Variants in ACSM3 observed in about 807,000 individuals in gnomAD.
ACSM3 encodes the protein acyl-coenzyme A synthetase ACSM3, mitochondrial.
Under a neutral mutation model 74.1 loss-of-function variants are expected in ACSM3, and 61 were observed. The observed-to-expected ratio is 0.82, with a 90% CI of 0.67 to 1.02. The LOEUF (loss-of-function observed/expected upper bound fraction) is 1.02. Among genes scored for constraint, ACSM3 ranks in the 50% least tolerant of loss-of-function variants. ACSM3 has a pLI of 0.00. For missense variants in ACSM3, 660 were observed against 697.0 expected, an observed-to-expected ratio of 0.95 and a Z score of 0.60; for synonymous variants, 213 against 241.5, an observed-to-expected ratio of 0.88 and a Z score of 1.09.
chr16:20,761,605 A>G (rs1267660507), upstream of ACSM3, among the ~76,000 whole-genome samples: 1 of 152,192 alleles, frequency 6.6e-6, no homozygotes, highest in Non-Finnish European at 1.5e-5. Flanking sequence ...AGATATGGGC[A>G]AGGCAGGAAA....
intron 1 of ACSM3, among the ~76,000 whole-genome samples, chr16:20,708,754 T>C (rs2079734760): frequency 6.6e-6 from 1 of 152,092 alleles, no homozygotes; most frequent in African/African-American, 2.4e-5. Context: ...TTAACAAAAA[T>C]AGAAAAAAAC....
chr16:20,686,373 T>C (rs28407561), intron 1 of ACSM3, among the ~76,000 whole-genome samples: 7,608 of 151,996 alleles, frequency 0.05, 636 homozygotes, highest in African/African-American at 0.17. Context: ...CAGCCAAGGA[T>C]CTGCAGAAAA....
intron 1 of ACSM3, among the ~76,000 whole-genome samples, chr16:20,722,511 G>A (rs1296579618): frequency 6.6e-6 from 1 of 152,058 alleles, no homozygotes. Flanking sequence ...GAAGAATAAT[G>A]AGCCCAGCAA....
At chr16:20,792,366 A>AT (rs1304840374) in intron 12 of ACSM3, 31 bp downstream of exon 12, 1 of 1,610,906 alleles carries the variant, frequency 6.2e-7, no homozygotes, top group South Asian at 1.1e-5. Context: ...CAACTTTATA[A>AT]TTTGTTGGCA....
At chr16:20,700,184 G>A (rs163253) in intron 1 of ACSM3, among the ~76,000 whole-genome samples, 11,239 of 152,164 alleles carry the variant, frequency 0.074, 448 homozygotes, top group East Asian at 0.13. Flanking sequence ...ACTTGCTATC[G>A]TCTGCTTATT....
chr16:20,786,212 T>A (rs1455703615), intron 9 of ACSM3, 54 bp downstream of exon 9: 2 of 1,584,156 alleles, frequency 1.3e-6, no homozygotes, highest in Non-Finnish European at 1.7e-6. Flanking sequence ...GTACACTACC[T>A]ACCTACCGCT....
At chr16:20,706,710 G>A (rs2079729255) in intron 1 of ACSM3, among the ~76,000 whole-genome samples, 1 of 152,162 alleles carries the variant, frequency 6.6e-6, no homozygotes, top group Non-Finnish European at 1.5e-5. Flanking sequence ...CTAGGGCTCT[G>A]ACAGGAGGCA....
intron 1 of ACSM3, among the ~76,000 whole-genome samples, chr16:20,740,167 C>T (rs2079904631): frequency 1.3e-5 from 2 of 152,120 alleles, no homozygotes; most frequent in Non-Finnish European, 2.9e-5. Context: ...CAGAGGTGGG[C>T]GGATCCCTTG....
chr16:20,789,540 GT>G, intron 9 of ACSM3: 1 of 1,612,902 alleles, frequency 6.2e-7, no homozygotes, highest in Non-Finnish European at 8.5e-7. Context: ...CTGAAGTAAG[GT>G]TCTGTAGGTT....
In ACSM3 at chr16:20,769,975, G is replaced by A; in HGVS notation, c.-51-9G>A. ...AAACAAATATATGTCCTTTTTGCTT[G>A]TCTTTTAGATGAACTGGTCTCTGTG... On this transcript the variant is annotated splice_polypyrimidine_tract_variant and intron_variant, in intron 1 of 13. Transcript: ENST00000289416. 6.5e-7 allele frequency: 1 copy of A among 1,548,894 alleles called. No individual in the cohort carries two copies. Among genetic ancestry groups the A allele is most frequent in the Non-Finnish European group, 8.9e-7 (1 of 1,127,274 alleles).
intron 1 of ACSM3, chr16:20,685,544 A>C: frequency 1.3e-6 from 1 of 789,330 alleles, no homozygotes; most frequent in South Asian, 1.6e-5. Flanking sequence ...TTATACAGCC[A>C]GGCGCAGTGG....
intron 1 of ACSM3, among the ~76,000 whole-genome samples, chr16:20,733,355 G>A (rs994618838): frequency 6.6e-6 from 1 of 152,014 alleles, no homozygotes; most frequent in East Asian, 1.9e-4. Context: ...ACAACTTTAT[G>A]AGACCAAACT....
At chr16:20,722,664 T>C (rs2079790005) in intron 1 of ACSM3, among the ~76,000 whole-genome samples, 1 of 152,228 alleles carries the variant, frequency 6.6e-6, no homozygotes, top group South Asian at 2.1e-4. Context: ...ATACTATACA[T>C]GAATACGTGG....
At chr16:20,676,701 G>A (rs1018926070) in intron 1 of ACSM3, among the ~76,000 whole-genome samples, 3 of 152,216 alleles carry the variant, frequency 2.0e-5, no homozygotes, top group East Asian at 1.9e-4. Flanking sequence ...AGGCATGGTC[G>A]TGGGCGTGAA....
intron 1 of ACSM3, among the ~76,000 whole-genome samples, chr16:20,685,774 T>G (rs2079537105): frequency 7.3e-6 from 1 of 137,608 alleles, no homozygotes; most frequent in South Asian, 2.3e-4. Context: ...GAGCCAAGAT[T>G]GCACCATTGC....
intron 1 of ACSM3, among the ~76,000 whole-genome samples, chr16:20,697,481 A>C (rs576967393): frequency 4.0e-5 from 6 of 151,764 alleles, no homozygotes; most frequent in African/African-American, 1.5e-4. Flanking sequence ...CTCTAAAATG[A>C]AGTGCCAAGA....
At chr16:20,784,668 A>G (rs1415792578) in intron 7 of ACSM3, 1 of 167,232 alleles carries the variant, frequency 6.0e-6, no homozygotes, top group East Asian at 1.7e-4. Flanking sequence ...ACCTTCCCTA[A>G]GAACAGAATG....
At chr16:20,709,577 T>C (rs1007180748) in intron 1 of ACSM3, among the ~76,000 whole-genome samples, 8 of 152,204 alleles carry the variant, frequency 5.3e-5, no homozygotes, top group Non-Finnish European at 1.2e-4. Context: ...CGGATACTAA[T>C]TATTTATAAG....
At chr16:20,741,481 G>GGGGGGGGGGCGGCCCCCCCCCCCCCCCCC in intron 1 of ACSM3, 1 of 1,308,414 alleles carries the variant, frequency 7.6e-7, no homozygotes, top group Non-Finnish European at 9.9e-7. Context: ...CTGGCAGCCG[G>GGGGGGGGGGCGGCCCCCCCCCCCCCCCCC]CCCGCCCGCC....
Sources: allele counts gnomAD v4.1 joint callset (sites outside exome capture counted in the v4.1 genomes callset), GRCh38; gene constraint gnomAD v4.1.1; transcripts MANE v1.5; gene names NCBI Gene and HGNC (gene_info 2026-07-23, HGNC 2026-07-21).